CCDC159: variants seen among roughly 807,000 people sequenced by gnomAD.
CCDC159 encodes the protein coiled-coil domain-containing protein 159.
CCDC159 carries 40 observed loss-of-function variants against 50.9 expected under a neutral mutation model. That is an observed-to-expected ratio of 0.79 (90% CI 0.61 to 1.02). The LOEUF (loss-of-function observed/expected upper bound fraction) is 1.02, where lower values mean the gene tolerates loss of function less well. Among genes scored for constraint, CCDC159 ranks in the 50% least tolerant of loss-of-function variants. CCDC159 has a pLI of 0.00. For missense variants in CCDC159, 356 were observed against 371.5 expected, an observed-to-expected ratio of 0.96 and a Z score of 0.34; for synonymous variants, 146 against 138.9, an observed-to-expected ratio of 1.05 and a Z score of -0.36.
Position 11,353,588 on chromosome 19 carries a change from C to T in CCDC159, c.689+16C>T. ...GTGATATATGGTGATGCCCAGCCTG[C>T]AGTCTGACCCCTGACCCTCCTCTGA... On this transcript the variant is annotated intron_variant, in intron 8 of 10. Transcript: ENST00000458408. The T allele has an allele frequency of 6.2e-7, 1 of 1,609,584 alleles. No individual in the cohort carries two copies. Among genetic ancestry groups the T allele is most frequent in the Non-Finnish European group, 8.5e-7 (1 of 1,176,582 alleles).
In CCDC159 at chr19:11,350,847, A is replaced by T; in HGVS notation, c.266A>T (p.Glu89Val). 1 of 1,551,258 alleles carries T rather than the reference A, an allele frequency of 6.4e-7. No individual in the cohort carries two copies. Among genetic ancestry groups the T allele is most frequent in the Non-Finnish European group, 8.7e-7 (1 of 1,147,760 alleles). Residue 89 changes from glutamate to valine, a missense_variant, in exon 5 of 11, where the codon GAG (glutamate) becomes GTG (valine). Glu to Val is a moderately radical substitution (Grantham distance 121, BLOSUM62 -2). Transcript: ENST00000458408. ...ACAGGCCGCCAGGGAGAGAAGGAGG[A>T]GCACAAGTGGGGCATGGAGCAGGGC... ...SPTGRQGEKE[E>V]HKWGMEQGRQ...
chr19:11,350,272 G>A (rs1967498873), intron 4 of CCDC159, 73 bp downstream of exon 4: 1 of 1,373,452 alleles, frequency 7.3e-7, no homozygotes, highest in African/African-American at 1.5e-5. Context: ...CCAGCATTTG[G>A]GGAGGCCAAA....
In CCDC159 at chr19:11,350,965, T is replaced by C. The variant is rs1343123182; in HGVS notation, c.384T>C (p.Thr128=). The C allele has an allele frequency of 6.4e-7, 1 of 1,553,528 alleles. No homozygotes were observed. The highest frequency in any genetic ancestry group is 1.2e-5 in the South Asian group (1 of 84,128). ...AGGAGATGCAGCGGGCCCGCACCAC[T>C]CGCTGCCTGCAGCTGCTGGCCCAGG... ...DSEEMQRART[T]RCLQLLAQEI... Residue 128 remains threonine (T), a synonymous_variant, in exon 5 of 11, where the codon ACT becomes ACC. Coordinates refer to ENST00000458408, the MANE Select transcript of CCDC159 (RefSeq NM_001080503.3).
rs1967494001 is a variant in CCDC159 at position 11,350,210 on chromosome 19, A to AC, written c.226+13dup. 1 of 1,605,770 alleles carries AC rather than the reference A, an allele frequency of 6.2e-7. No homozygotes were observed. Reference sequence around the variant, plus strand: ...TTCAGCAGCTTGAAGGTGAGGACTGACCAGAGATCAAGGTCAGGCTAGGCC... The same window carrying AC: ...TTCAGCAGCTTGAAGGTGAGGACTGACCCAGAGATCAAGGTCAGGCTAGGCC... On this transcript the variant is annotated intron_variant, in intron 4 of 10. Coordinates refer to ENST00000458408, the MANE Select transcript of CCDC159 (RefSeq NM_001080503.3).
At chr19:11,346,659 G>T in intron 1 of CCDC159, 32 bp downstream of exon 1, 1 of 1,550,172 alleles carries the variant, frequency 6.5e-7, no homozygotes. Flanking sequence ...GGAGCCTGGC[G>T]GGTGTAGATT....
At position 11,350,843 on chromosome 19, in the gene CCDC159, G is replaced by A. The variant is rs1368224885; in HGVS notation, c.262G>A (p.Glu88Lys). The change falls in exon 5 of 11, where the codon GAG (glutamate) becomes AAG (lysine). Residue 88 changes from glutamate (E) to lysine (K), a missense_variant. Coordinates refer to ENST00000458408, the MANE Select transcript of CCDC159 (RefSeq NM_001080503.3). ...CCCCACAGGCCGCCAGGGAGAGAAGGAGGAGCACAAGTGGGGCATGGAGCA... is the reference window on the plus strand; with the variant it reads ...CCCCACAGGCCGCCAGGGAGAGAAGAAGGAGCACAAGTGGGGCATGGAGCA... ...LSPTGRQGEK[E>K]EHKWGMEQGR... is the part of the protein sequence containing the mutation. The A allele has an allele frequency of 6.4e-7, 1 of 1,551,336 alleles. No homozygotes were observed. Among genetic ancestry groups the A allele is most frequent in the Non-Finnish European group, 8.7e-7 (1 of 1,147,810 alleles).
chr19:11,347,399 C>T (rs889054372), intron 1 of CCDC159, among the ~76,000 whole-genome samples: 1 of 152,186 alleles, frequency 6.6e-6, no homozygotes. Context: ...GGCATGATAT[C>T]GGCTCACTGC....
chr19:11,352,471 T>C (rs980417767), intron 7 of CCDC159: 50 of 293,912 alleles, frequency 1.7e-4, no homozygotes, highest in South Asian at 1.6e-3. Flanking sequence ...CTGGGTGTGG[T>C]GGCAGGCACC....
rs1405250178 is a variant in CCDC159 at position 11,349,658 on chromosome 19, C to T, written c.26C>T (p.Pro9Leu). Reference sequence around the variant, plus strand: ...CATCTCATCTCTCTTCCTTAGAAGCCCTTGGAGACCAGCTCTTCCAAAGTC... The same window carrying T: ...CATCTCATCTCTCTTCCTTAGAAGCTCTTGGAGACCAGCTCTTCCAAAGTC... Reference protein sequence around the residue: MGEHEQVKPLETSSSKVKA... With the variant: MGEHEQVKLLETSSSKVKA... The change falls in exon 2 of 11, where the codon CCC (proline) becomes CTC (leucine). Residue 9 changes from proline to leucine, a missense_variant. By Grantham distance (98) the Pro-to-Leu change is moderately conservative. Coordinates refer to ENST00000458408, the MANE Select transcript of CCDC159 (RefSeq NM_001080503.3). 1 of 1,613,230 alleles carries T rather than the reference C, an allele frequency of 6.2e-7. No individual in the cohort carries two copies. The highest frequency in any genetic ancestry group is 2.2e-5 in the East Asian group (1 of 44,880).
At position 11,352,924 on chromosome 19, in the gene CCDC159, C is replaced by G. The variant is rs1967661833; in HGVS notation, c.568-527C>G. Among the ~76,000 whole-genome samples, 7 of 151,776 alleles carry G rather than the reference C, an allele frequency of 4.6e-5. No individual in the cohort carries two copies. In the South Asian group the frequency reaches 1.5e-3, roughly 32 times the overall value. ...CTAGCCTGGGCGACAGACTGAGACC[C>G]TGTCTCAAAAAAGAAACAAACACCA... On this transcript the variant is annotated intron_variant, in intron 7 of 10. Transcript: ENST00000458408.
intron 9 of CCDC159, among the ~76,000 whole-genome samples, chr19:11,354,316 C>T (rs1444877922): frequency 6.6e-6 from 1 of 151,778 alleles, no homozygotes; most frequent in African/African-American, 2.4e-5. Context: ...CTTGAGCCTG[C>T]GAGGTTGAGG....
chr19:11,352,006 G>T (rs1247233253), intron 6 of CCDC159, 33 bp downstream of exon 6: 1 of 1,612,606 alleles, frequency 6.2e-7, no homozygotes, highest in East Asian at 2.2e-5. Context: ...CGGTGTGTGG[G>T]GAGGGGGTCC....
rs140969162 is a variant in CCDC159, at chr19:11,347,336, CTGTT to C, written c.21+713_21+716del. On this transcript the variant is annotated intron_variant, in intron 1 of 10. Transcript: ENST00000458408. Reference sequence around the variant, plus strand: ...GATATGCTGAATAGTTTTTGTTTGTCTGTTTGTGTTTGAGACGGAGTTTCGCTCT... The same window carrying C: ...GATATGCTGAATAGTTTTTGTTTGTCTGTGTTTGAGACGGAGTTTCGCTCT... Among the ~76,000 whole-genome samples, 208 of 152,190 alleles carry C rather than the reference CTGTT, an allele frequency of 1.4e-3. 4 individuals carry two copies. In the East Asian group the frequency reaches 0.03, roughly 22 times the overall value.
intron 1 of CCDC159, among the ~76,000 whole-genome samples, chr19:11,346,847 T>C (rs1187749776): frequency 6.6e-6 from 1 of 152,176 alleles, no homozygotes; most frequent in Non-Finnish European, 1.5e-5. Context: ...AGGCTTCCTA[T>C]GGTCCCTAAG....
chr19:11,348,735 C>T (rs1383452386), intron 1 of CCDC159: 1 of 492,116 alleles, frequency 2.0e-6, no homozygotes, highest in African/African-American at 1.9e-5. Context: ...GCAGCCCCTG[C>T]TTCCCTACTC....
intron 1 of CCDC159, among the ~76,000 whole-genome samples, chr19:11,347,515 A>G (rs1413720707): frequency 6.6e-6 from 1 of 152,076 alleles, no homozygotes; most frequent in Non-Finnish European, 1.5e-5. Flanking sequence ...TTTTTAGTAG[A>G]GATGGGGTTT....
Position 11,353,515 on chromosome 19 carries a change from C to G in CCDC159, c.632C>G (p.Pro211Arg), listed in dbSNP as rs746439398. Reference sequence around the variant, plus strand: ...GCCTGTCCGGAGACTGAAGAGATACCGCAGGGAGCCAGTGGCTGCTGGAAG... The same window carrying G: ...GCCTGTCCGGAGACTGAAGAGATACGGCAGGGAGCCAGTGGCTGCTGGAAG... ...TAACPETEEI[P>R]QGASGCWKDD... Residue 211 changes from proline (P) to arginine (R), a missense_variant, in exon 8 of 11, where the codon CCG (proline) becomes CGG (arginine). Pro to Arg is a moderately radical substitution (Grantham distance 103, BLOSUM62 -2). Transcript: ENST00000458408. 6.2e-7 allele frequency: 1 copy of G among 1,612,814 alleles called. No homozygotes were observed. The highest frequency in any genetic ancestry group is 1.7e-5 in the Admixed American group (1 of 59,802).
chr19:11,348,153 A>C (rs929245701), intron 1 of CCDC159: 4 of 456,538 alleles, frequency 8.8e-6, no homozygotes, highest in Non-Finnish European at 1.8e-5. Context: ...CCTGCCAGGA[A>C]AGGCCTTCCT....
At chr19:11,347,048 G>A (rs1358240012) in intron 1 of CCDC159, among the ~76,000 whole-genome samples, 1 of 152,136 alleles carries the variant, frequency 6.6e-6, no homozygotes, top group African/African-American at 2.4e-5. Context: ...ACAGCTGGAA[G>A]GGACAGAGCT....
Sources: allele counts gnomAD v4.1 joint callset (sites outside exome capture counted in the v4.1 genomes callset), GRCh38; gene constraint gnomAD v4.1.1; transcripts MANE v1.5; gene names NCBI Gene and HGNC (gene_info 2026-07-23, HGNC 2026-07-21).